The following TRHDE variants were observed in gnomAD, a reference collection of about 807,000 sequenced individuals.
The protein encoded by TRHDE is thyrotropin releasing hormone degrading enzyme.
TRHDE carries 72 observed loss-of-function variants against 125.7 expected under a neutral mutation model. That is an observed-to-expected ratio of 0.57 (90% CI 0.47 to 0.70). The LOEUF is 0.70. Among genes scored for constraint, TRHDE ranks in the 30% least tolerant of loss-of-function variants. The probability of loss-of-function intolerance (pLI) is 0.00; values close to 1 mark genes in which losing one functional copy is unlikely to be tolerated. For synonymous variants in TRHDE, 509 were observed against 509.1 expected (o/e 1.00, Z 0.00); for missense variants, 1,110 against 1,327.1 (o/e 0.84, Z 2.54).
At chr12:72,497,698 A>G (rs555257745) in intron 5 of TRHDE, among the ~76,000 whole-genome samples, 1 of 152,314 alleles carries the variant, frequency 6.6e-6, no homozygotes, top group African/African-American at 2.4e-5. Context: ...AATTGAATGA[A>G]TAACAAGGTC....
In TRHDE at chr12:72,203,732, G is replaced by A. The variant is rs539153007; in HGVS notation, n.279+97980G>A. 5.3e-5 allele frequency among the ~76,000 whole-genome samples: 8 copies of A among 152,230 alleles called. No individual in the cohort carries two copies. In the East Asian group the frequency reaches 1.5e-3, roughly 29 times the overall value. ...GAAGAGTTAAAGTCAATTACCATCTGCCTGTACTAGTGGACAAATTTTTTC... is the reference window on the plus strand; with the variant it reads ...GAAGAGTTAAAGTCAATTACCATCTACCTGTACTAGTGGACAAATTTTTTC... On this transcript the variant is annotated intron_variant and non_coding_transcript_variant, in intron 2 of 4. Transcript: ENST00000548156.
At chr12:72,313,678 A>G (rs1340775914) in intron 2 of TRHDE, among the ~76,000 whole-genome samples, 1 of 152,192 alleles carries the variant, frequency 6.6e-6, no homozygotes, top group Non-Finnish European at 1.5e-5. Flanking sequence ...TATAGCACAA[A>G]ACTTTGAGGG....
chr12:72,510,217 C>A (rs986117536), intron 6 of TRHDE, among the ~76,000 whole-genome samples: 2 of 152,080 alleles, frequency 1.3e-5, no homozygotes, highest in Admixed American at 1.3e-4. Context: ...CTACTCACAG[C>A]GAATCAGTTA....
intron 3 of TRHDE, among the ~76,000 whole-genome samples, chr12:72,394,903 G>A (rs1296872554): frequency 6.6e-6 from 1 of 152,002 alleles, no homozygotes; most frequent in African/African-American, 2.4e-5. Context: ...TTCACCAAAT[G>A]GTGTTTTCTT....
chr12:72,228,094 CT>C, intron 2 of TRHDE, among the ~76,000 whole-genome samples: 1 of 152,324 alleles, frequency 6.6e-6, no homozygotes, highest in Non-Finnish European at 1.5e-5. Flanking sequence ...CAGTGTCCCT[CT>C]TCTTACAGTT....
At chr12:72,135,014 CA>C (rs901378343) in intron 2 of TRHDE, among the ~76,000 whole-genome samples, 3 of 151,060 alleles carry the variant, frequency 2.0e-5, no homozygotes, top group Non-Finnish European at 2.9e-5. Flanking sequence ...TTAGTCATCA[CA>C]ATATGCAAAA....
intron 3 of TRHDE, among the ~76,000 whole-genome samples, chr12:72,406,170 A>G (rs1420743805): frequency 6.6e-6 from 1 of 152,224 alleles, no homozygotes; most frequent in Non-Finnish European, 1.5e-5. Context: ...TCATACTGCT[A>G]AAGATTAAAA....
At chr12:72,098,895 G>A (rs888982140) in intron 1 of TRHDE, among the ~76,000 whole-genome samples, 16 of 152,148 alleles carry the variant, frequency 1.1e-4, no homozygotes, top group African/African-American at 2.9e-4. Context: ...TCTGGGCTTC[G>A]TGGCTCACGT....
At chr12:72,530,819 T>A (rs560362722) in intron 6 of TRHDE, among the ~76,000 whole-genome samples, 1 of 152,200 alleles carries the variant, frequency 6.6e-6, no homozygotes, top group South Asian at 2.1e-4. Context: ...CTAACCCTGC[T>A]TTATTTATTT....
chr12:72,449,280 GAC>G (rs1299061069), intron 3 of TRHDE, among the ~76,000 whole-genome samples: 1 of 152,146 alleles, frequency 6.6e-6, no homozygotes, highest in African/African-American at 2.4e-5. Context: ...AGAGCAAGTT[GAC>G]ACAGAGTCTT....
At chr12:72,152,564 A>T (rs986736731) in intron 2 of TRHDE, among the ~76,000 whole-genome samples, 2 of 152,206 alleles carry the variant, frequency 1.3e-5, no homozygotes, top group African/African-American at 4.8e-5. Context: ...ATTTTGAGAT[A>T]CGTCCCATCA....
At chr12:72,567,227 A>G (rs1870489204) in intron 9 of TRHDE, among the ~76,000 whole-genome samples, 1 of 151,944 alleles carries the variant, frequency 6.6e-6, no homozygotes, top group Non-Finnish European at 1.5e-5. Flanking sequence ...AGATTTTGCT[A>G]TTATAAATTG....
chr12:72,571,823 A>G (rs1007097773), intron 10 of TRHDE, among the ~76,000 whole-genome samples: 1 of 152,132 alleles, frequency 6.6e-6, no homozygotes, highest in Non-Finnish European at 1.5e-5. Context: ...GAGATTCACA[A>G]CCTTTCAAAT....
intron 2 of TRHDE, among the ~76,000 whole-genome samples, chr12:72,141,678 T>G (rs1876114491): frequency 6.6e-6 from 1 of 152,260 alleles, no homozygotes; most frequent in Non-Finnish European, 1.5e-5. Flanking sequence ...ATGATTCTCA[T>G]CTTTAATGAG....
intron 12 of TRHDE, among the ~76,000 whole-genome samples, chr12:72,608,674 G>A (rs1188616915): frequency 1.3e-5 from 2 of 152,258 alleles, no homozygotes; most frequent in East Asian, 3.9e-4. Context: ...CCATTTTAAT[G>A]TCAGCCATGA....
chr12:72,580,771 C>T (rs12302437), intron 12 of TRHDE, among the ~76,000 whole-genome samples: 35,738 of 151,960 alleles, frequency 0.24, 5,839 homozygotes, highest in East Asian at 0.54. Flanking sequence ...TTGTTTGTTT[C>T]GATAAAGCAT....
intron 6 of TRHDE, among the ~76,000 whole-genome samples, chr12:72,522,735 A>G (rs1380709764): frequency 6.6e-6 from 1 of 152,172 alleles, no homozygotes; most frequent in Non-Finnish European, 1.5e-5. Context: ...TACTTTCCTC[A>G]AGCACCAAGT....
At chr12:72,606,387 C>T (rs1872444222) in intron 12 of TRHDE, among the ~76,000 whole-genome samples, 1 of 152,134 alleles carries the variant, frequency 6.6e-6, no homozygotes, top group Non-Finnish European at 1.5e-5. Context: ...AAATCAAGGT[C>T]AGAATATAGA....
intron 15 of TRHDE, among the ~76,000 whole-genome samples, chr12:72,645,413 T>A (rs1484640528): frequency 6.6e-6 from 1 of 152,154 alleles, no homozygotes; most frequent in Non-Finnish European, 1.5e-5. Flanking sequence ...TTTAAAAATT[T>A]ACTTAAAAGA....
Sources: allele counts gnomAD v4.1 joint callset (sites outside exome capture counted in the v4.1 genomes callset), GRCh38; gene constraint gnomAD v4.1.1; transcripts MANE v1.5; gene names NCBI Gene and HGNC (gene_info 2026-07-23, HGNC 2026-07-21).